The following SKI variants were observed in gnomAD, a reference collection of about 807,000 sequenced individuals.
SKI encodes the protein ski oncogene.
SKI carries 23 observed loss-of-function variants against 59.3 expected under a neutral mutation model. That is an observed-to-expected ratio of 0.39 (90% CI 0.28 to 0.55). SKI has a LOEUF of 0.55. Among genes scored for constraint, SKI ranks in the 20% least tolerant of loss-of-function variants. The pLI, the probability that SKI is intolerant of heterozygous loss-of-function variation, is 0.67. For missense variants in SKI, 1,017 were observed against 1,038.9 expected (o/e 0.98, Z 0.29); for synonymous variants, 673 against 488.6 (o/e 1.38, Z -4.98).
chr1:2,289,546 GGTGCA>G (rs1243662980), intron 1 of SKI, among the ~76,000 whole-genome samples: 3 of 130,058 alleles, frequency 2.3e-5, no homozygotes, highest in African/African-American at 8.7e-5. Flanking sequence ...TCGGGGTGGG[GGTGCA>G]GGGCAGGGCA....
At chr1:2,274,788 T>G (rs1639705119) in intron 1 of SKI, among the ~76,000 whole-genome samples, 1 of 152,172 alleles carries the variant, frequency 6.6e-6, no homozygotes, top group Non-Finnish European at 1.5e-5. Context: ...GACCCCACTT[T>G]CTGGGTGGGA....
At chr1:2,294,450 TG>T (rs1640238616) in intron 1 of SKI, among the ~76,000 whole-genome samples, 1 of 152,208 alleles carries the variant, frequency 6.6e-6, no homozygotes, top group African/African-American at 2.4e-5. Context: ...TGCGGGGATG[TG>T]GGGACCAGGG....
At chr1:2,236,146 C>T (rs1027315796) in intron 1 of SKI, among the ~76,000 whole-genome samples, 5 of 152,096 alleles carry the variant, frequency 3.3e-5, no homozygotes, top group South Asian at 4.1e-4. Flanking sequence ...GCACACCTGG[C>T]GGCCTTGGTC....
chr1:2,253,730 A>G (rs1639215334), intron 1 of SKI, among the ~76,000 whole-genome samples: 1 of 152,124 alleles, frequency 6.6e-6, no homozygotes, highest in Admixed American at 6.5e-5. Context: ...GGGCCCTGGG[A>G]GTGAGGCTGC....
chr1:2,304,653 C>T (rs757824675), intron 5 of SKI, 68 bp downstream of exon 5: 222 of 1,485,088 alleles, frequency 1.5e-4, no homozygotes, highest in African/African-American at 4.5e-4. Context: ...ACCAGGTGAA[C>T]GGGCACAGGT....
chr1:2,279,074 C>G (rs927840004), intron 1 of SKI, among the ~76,000 whole-genome samples: 1 of 152,124 alleles, frequency 6.6e-6, no homozygotes, highest in Non-Finnish European at 1.5e-5. Flanking sequence ...GCTGGGTGGT[C>G]GCCTGGACTC....
intron 1 of SKI, among the ~76,000 whole-genome samples, chr1:2,259,141 C>G (rs1639331279): frequency 6.6e-6 from 1 of 152,176 alleles, no homozygotes; most frequent in African/African-American, 2.4e-5. Context: ...CCTCCGGAAC[C>G]CCTGCCTCCT....
intron 1 of SKI, among the ~76,000 whole-genome samples, chr1:2,275,368 G>A (rs986677111): frequency 3.3e-5 from 5 of 152,218 alleles, no homozygotes; most frequent in Non-Finnish European, 7.3e-5. Context: ...GAGCAGTGGG[G>A]CTGCCCCAGC....
At chr1:2,233,114 C>T (rs898062353) in intron 1 of SKI, among the ~76,000 whole-genome samples, 22 of 152,096 alleles carry the variant, frequency 1.4e-4, no homozygotes, top group African/African-American at 4.8e-4. Context: ...GTCAGCCAAG[C>T]GCTTTCCGTG....
In SKI at chr1:2,307,202, C is replaced by A. The variant is rs1157177674; in HGVS notation, c.*437C>A. On this transcript the variant is annotated 3_prime_UTR_variant, in exon 7 of 7. Transcript: ENST00000378536. The stretch of plus-strand genomic sequence containing the variant: ...GTGGCGGCCGCCCCACCCTCCCCAC[C>A]CGGGGAAGCCATCACAGCTCATCTG... 6.5e-6 allele frequency: 1 copy of A among 153,508 alleles called. No homozygotes were observed. The highest frequency in any genetic ancestry group is 2.4e-5 in the African/African-American group (1 of 41,414). The allele number at this position is 153,508 out of a possible 1,614,324, so 9.5% of individuals were successfully genotyped here.
At chr1:2,305,134 G>GACAC (rs146052894) in intron 5 of SKI, among the ~76,000 whole-genome samples, 1 of 152,148 alleles carries the variant, frequency 6.6e-6, no homozygotes, top group Admixed American at 6.5e-5. Flanking sequence ...GGCCCGCACA[G>GACAC]ACACACACAC....
chr1:2,274,262 C>T (rs893314829), intron 1 of SKI, among the ~76,000 whole-genome samples: 13 of 152,218 alleles, frequency 8.5e-5, no homozygotes, highest in Non-Finnish European at 1.3e-4. Context: ...ACAAACTTTT[C>T]ATCAGTCTTT....
intron 1 of SKI, among the ~76,000 whole-genome samples, chr1:2,285,373 A>G (rs943928260): frequency 6.6e-6 from 1 of 151,610 alleles, no homozygotes; most frequent in Non-Finnish European, 1.5e-5. Context: ...AAATTAGCTG[A>G]GCGTGGTGGC....
At chr1:2,253,128 G>A (rs1639198285) in intron 1 of SKI, among the ~76,000 whole-genome samples, 1 of 151,998 alleles carries the variant, frequency 6.6e-6, no homozygotes, top group African/African-American at 2.4e-5. Context: ...TGCTAAATTG[G>A]AGTAAATATT....
chr1:2,244,050 C>A (rs2100812650), intron 1 of SKI, among the ~76,000 whole-genome samples: 1 of 152,166 alleles, frequency 6.6e-6, no homozygotes, highest in Admixed American at 6.5e-5. Flanking sequence ...ATTGCAAGCT[C>A]CGCCTCCCGG....
At chr1:2,238,061 C>T (rs528650756) in intron 1 of SKI, among the ~76,000 whole-genome samples, 6 of 152,364 alleles carry the variant, frequency 3.9e-5, no homozygotes, top group South Asian at 2.1e-4. Context: ...CCCAGGTCCC[C>T]GCCTGGTGTG....
rs1450038336 is a variant in SKI, at chr1:2,228,676, C to T, written c.-91C>T. ...CGGGGGGCGGCCGGGGTCGGGGCCG[C>T]GGGCGCCGCCGGGGCGCGCGGGGCG... On this transcript the variant is annotated 5_prime_UTR_variant, in exon 1 of 7. Coordinates refer to ENST00000378536, the MANE Select transcript of SKI (RefSeq NM_003036.4). 2.6e-6 allele frequency: 2 copies of T among 772,662 alleles called. No individual in the cohort carries two copies. Among genetic ancestry groups the T allele is most frequent in the African/African-American group, 3.9e-5 (2 of 51,756 alleles). 47.9% of individuals were successfully genotyped at this position (772,662 alleles called of 1,614,324 possible).
intron 1 of SKI, among the ~76,000 whole-genome samples, chr1:2,296,501 C>T (rs1408618221): frequency 6.6e-6 from 1 of 152,212 alleles, no homozygotes; most frequent in Non-Finnish European, 1.5e-5. Flanking sequence ...GCTTTGCATG[C>T]GGTTACTGGA....
intron 1 of SKI, among the ~76,000 whole-genome samples, chr1:2,287,075 G>T (rs1640054917): frequency 6.6e-6 from 1 of 152,032 alleles, no homozygotes; most frequent in Non-Finnish European, 1.5e-5. Context: ...AGCCGTGAGT[G>T]TCCAGCTGCA....
Sources: gnomAD v4.1 joint callset for allele counts (sites outside exome capture counted in the v4.1 genomes callset) on GRCh38, gnomAD v4.1.1 for gene constraint, MANE v1.5 for transcripts, NCBI Gene and HGNC (gene_info 2026-07-23, HGNC 2026-07-21) for gene names.